Variants in SAXO2 observed in about 807,000 individuals in gnomAD.
SAXO2 encodes stabilizer of axonemal microtubules 2, also known as family with sequence similarity 154, member B.
In SAXO2, 17 loss-of-function variants were observed where a neutral mutation model predicts 18.7. That is an observed-to-expected ratio of 0.91 (90% confidence interval 0.62 to 1.36). The LOEUF (loss-of-function observed/expected upper bound fraction) is 1.36, where lower values mean the gene tolerates loss of function less well. Among genes scored for constraint, SAXO2 ranks in the 40% most tolerant of loss-of-function variants. The pLI is 0.00. For synonymous variants in SAXO2, 163 were observed against 181.2 expected, an observed-to-expected ratio of 0.90 and a Z score of 0.81; for missense variants, 486 against 562.6, an observed-to-expected ratio of 0.86 and a Z score of 1.38.
chr15:82,265,379 G>A (rs1253325196), intron 1 of SAXO2, among the ~76,000 whole-genome samples, 190 bp from the exon 2 acceptor site: 2 of 152,054 alleles, frequency 1.3e-5, no homozygotes, highest in Non-Finnish European at 2.9e-5. Flanking sequence ...CCTGACTTTG[G>A]GATCCGCCTG....
At chr15:82,275,228 A>C (rs1294780849) in intron 3 of SAXO2, among the ~76,000 whole-genome samples, 1 of 150,274 alleles carries the variant, frequency 6.7e-6, no homozygotes, top group African/African-American at 2.4e-5. Context: ...AGAAATCCTG[A>C]ACAGATCAAT....
intron 3 of SAXO2, among the ~76,000 whole-genome samples, chr15:82,273,974 G>A (rs1193558625): frequency 1.3e-5 from 2 of 152,008 alleles, no homozygotes; most frequent in African/African-American, 4.8e-5. Context: ...CTGACCTTGT[G>A]ATTCGCCCGC....
intron 3 of SAXO2, among the ~76,000 whole-genome samples, chr15:82,272,455 T>C (rs1313689108): frequency 6.6e-6 from 1 of 152,210 alleles, no homozygotes; most frequent in Non-Finnish European, 1.5e-5. Context: ...GAGAATACTT[T>C]CTCTTTGCAG....
chr15:82,272,870 T>A (rs1211884274), intron 3 of SAXO2, among the ~76,000 whole-genome samples: 1 of 151,618 alleles, frequency 6.6e-6, no homozygotes, highest in Non-Finnish European at 1.5e-5. Flanking sequence ...AATACTCTAG[T>A]ACTTTTGAGG....
chr15:82,263,821 C>T (rs1415772668), intron 1 of SAXO2, among the ~76,000 whole-genome samples: 1 of 152,076 alleles, frequency 6.6e-6, no homozygotes, highest in Non-Finnish European at 1.5e-5. Context: ...TAAGGAAATT[C>T]AGTCTTCATT....
At chr15:82,269,696 T>C (rs2075253357) in intron 2 of SAXO2, among the ~76,000 whole-genome samples, 1 of 152,104 alleles carries the variant, frequency 6.6e-6, no homozygotes, top group South Asian at 2.1e-4. Context: ...TCAGGTGCCA[T>C]GTGGAGAAAA....
At chr15:82,272,528 T>TTG (rs1567091147) in intron 3 of SAXO2, among the ~76,000 whole-genome samples, 2 of 152,050 alleles carry the variant, frequency 1.3e-5, no homozygotes, top group African/African-American at 4.8e-5. Context: ...AACCTGTTTT[T>TTG]TTGTTGTTGT....
chr15:82,272,958 T>C lies in SAXO2; in HGVS notation c.433+1156T>C, dbSNP rs143012149. Among the ~76,000 whole-genome samples the C allele has an allele frequency of 1.7e-3, 261 of 151,564 alleles. 1 individual carries two copies. The highest frequency in any genetic ancestry group is 5.8e-3 in the African/African-American group (240 of 41,290). On this transcript the variant is annotated intron_variant, in intron 3 of 3. Coordinates refer to ENST00000682753, the MANE Select transcript of SAXO2 (RefSeq NM_001348699.2). ...TCCCACTCTGTTGCCCAGGCTGGAG[T>C]ATAGTGGCGCAATCTTGGCTCACTG...
chr15:82,270,081 A>G (rs1183995445), intron 2 of SAXO2, among the ~76,000 whole-genome samples: 3 of 152,242 alleles, frequency 2.0e-5, no homozygotes, highest in South Asian at 2.1e-4. Context: ...AGAGACCATC[A>G]TAGATACTGG....
At chr15:82,270,735 G>A (rs542211551) in intron 2 of SAXO2, among the ~76,000 whole-genome samples, 7 of 152,274 alleles carry the variant, frequency 4.6e-5, no homozygotes, top group Middle Eastern at 3.4e-3. Context: ...TACTATGTAC[G>A]AAGCAGTCTT....
At chr15:82,267,866 A>G (rs2075234190) in intron 2 of SAXO2, among the ~76,000 whole-genome samples, 1 of 152,198 alleles carries the variant, frequency 6.6e-6, no homozygotes, top group South Asian at 2.1e-4. Flanking sequence ...TAAAAGAGCC[A>G]GTAGATAATA....
chr15:82,269,726 G>C (rs1408959745), intron 2 of SAXO2, among the ~76,000 whole-genome samples: 1 of 152,186 alleles, frequency 6.6e-6, no homozygotes, highest in African/African-American at 2.4e-5. Flanking sequence ...GAGAACTAAA[G>C]TGGATGTGGG....
At chr15:82,264,331 G>T (rs2075186981) in intron 1 of SAXO2, among the ~76,000 whole-genome samples, 1 of 150,828 alleles carries the variant, frequency 6.6e-6, no homozygotes, top group South Asian at 2.1e-4. Context: ...AAAGTGCTGG[G>T]ATTACAGGCG....
rs145428498 is a variant in SAXO2, at chr15:82,282,268, T to G, written c.583T>G (p.Ser195Ala). The G allele has an allele frequency of 1.7e-5, 27 of 1,614,088 alleles. No individual in the cohort carries two copies. The highest frequency in any genetic ancestry group is 2.1e-5 in the Non-Finnish European group (25 of 1,180,042). ...EIKPRQSFKP[S>A]SVVKRSTAPF... ...AAAGCCTAGGCAAAGCTTTAAACCC[T>G]CCTCTGTGGTCAAACGTTCTACAGC... is the stretch of plus-strand genomic sequence containing the variant. Residue 195 changes from serine to alanine, a missense_variant, in exon 4 of 4, where the codon TCC becomes GCC. Ser to Ala is a moderately conservative substitution (Grantham distance 99). Coordinates refer to ENST00000682753, the MANE Select transcript of SAXO2 (RefSeq NM_001348699.2).
At position 82,282,388 on chromosome 15, in the gene SAXO2, G is replaced by A. The variant is rs368164942; in HGVS notation, c.703G>A (p.Asp235Asn). The A allele has an allele frequency of 1.2e-6, 2 of 1,614,088 alleles. No homozygotes were observed. The highest frequency in any genetic ancestry group is 1.7e-6 in the Non-Finnish European group (2 of 1,180,018). The change falls in exon 4 of 4, where the codon GAC becomes AAC. Residue 235 changes from aspartate to asparagine, a missense_variant. By Grantham distance (23) the Asp-to-Asn change is conservative. Coordinates refer to ENST00000682753, the MANE Select transcript of SAXO2 (RefSeq NM_001348699.2). ...ERPKEVYKPT[D>N]QRFEDLTTHR... ...GCCAAAAGAAGTTTACAAACCAACT[G>A]ACCAACGCTTTGAGGATCTCACAAC...
chr15:82,272,945 G>A (rs965978733), intron 3 of SAXO2, among the ~76,000 whole-genome samples: 12 of 148,566 alleles, frequency 8.1e-5, no homozygotes, highest in Non-Finnish European at 1.6e-4. Context: ...CCACTCTGTT[G>A]CCCAGGCTGG....
At chr15:82,264,566 G>A (rs1596024124) in intron 1 of SAXO2, 1 of 684,932 alleles carries the variant, frequency 1.5e-6, no homozygotes, top group East Asian at 2.7e-5. Context: ...AATCTCCTCT[G>A]GTTAGTCTAG....
Position 82,282,178 on chromosome 15 carries a change from C to T in SAXO2, c.493C>T (p.His165Tyr), listed in dbSNP as rs781329155. ...SELYKPEQTY[H>Y]PPTVKFGNST... The stretch of plus-strand genomic sequence containing the variant: ...ACTTTATAAGCCAGAACAAACTTAC[C>T]ACCCGCCTACTGTGAAATTTGGAAA... Residue 165 changes from histidine (H) to tyrosine (Y), a missense_variant, in exon 4 of 4, where the codon CAC becomes TAC. Transcript: ENST00000682753. 2 of 1,613,898 alleles carry T rather than the reference C, an allele frequency of 1.2e-6. No individual in the cohort carries two copies.
At chr15:82,269,615 A>G (rs2075252291) in intron 2 of SAXO2, among the ~76,000 whole-genome samples, 1 of 152,110 alleles carries the variant, frequency 6.6e-6, no homozygotes, top group African/African-American at 2.4e-5. Flanking sequence ...GGGGAGGAAG[A>G]AAGGTAAGGA....
Sources: gnomAD v4.1 joint callset for allele counts (sites outside exome capture counted in the v4.1 genomes callset) on GRCh38, gnomAD v4.1.1 for gene constraint, MANE v1.5 for transcripts, NCBI Gene and HGNC (gene_info 2026-07-23, HGNC 2026-07-21) for gene names.